The following COL18A1 variants were observed in gnomAD, a reference collection of about 807,000 sequenced individuals.
COL18A1 encodes collagen type XVIII alpha 1 chain.
In COL18A1, 133 loss-of-function variants were observed where a neutral mutation model predicts 168.0. That is an observed-to-expected ratio of 0.79 (90% CI 0.69 to 0.91). The LOEUF (loss-of-function observed/expected upper bound fraction) is 0.91. COL18A1 is among the 40% of genes least tolerant of loss of function. COL18A1 has a pLI of 0.00. For missense variants in COL18A1, 2,126 were observed against 1,925.4 expected, an observed-to-expected ratio of 1.10 and a Z score of -1.95; for synonymous variants, 949 against 809.0, an observed-to-expected ratio of 1.17 and a Z score of -2.94.
At position 45,498,586 on chromosome 21, in the gene COL18A1, G is replaced by C. The variant is rs1206403545; in HGVS notation, c.2683+925G>C. ...GGAAGGGACCAGGCAGGCAGAGGCC[G>C]AGTCTGGGCCGGGACATCCTTAAGG... is the stretch of plus-strand genomic sequence containing the variant. On this transcript the variant is annotated intron_variant, in intron 32 of 41. Transcript: ENST00000651438. The surrounding 1 kb of genome is among the most constrained non-coding windows in gnomAD (Gnocchi z 4.5). 1.4e-6 allele frequency: 1 copy of C among 716,212 alleles called. No homozygotes were observed. The highest frequency in any genetic ancestry group is 1.5e-5 in the South Asian group (1 of 67,566). 44.4% of individuals were successfully genotyped at this position (716,212 alleles called of 1,614,324 possible). A position where few individuals can be genotyped will look rare whatever the true frequency, so the allele number is the denominator to read the frequency against.
chr21:45,497,980 C>T (rs1331215568), intron 32 of COL18A1, among the ~76,000 whole-genome samples: 1 of 152,204 alleles, frequency 6.6e-6, no homozygotes. Context: ...TGAGATGCCC[C>T]CTCCCCTCCA....
At chr21:45,480,545 C>T in intron 12 of COL18A1, 25 bp downstream of exon 12, 1 of 1,614,050 alleles carries the variant, frequency 6.2e-7, no homozygotes. Flanking sequence ...AACTGCAGCG[C>T]TGCCCGATGT....
At chr21:45,428,902 T>G (rs1257363624) in intron 2 of COL18A1, among the ~76,000 whole-genome samples, 2 of 145,164 alleles carry the variant, frequency 1.4e-5, no homozygotes, top group African/African-American at 2.6e-5. Flanking sequence ...TTCTTTCTTT[T>G]CTTTTTTTTT....
chr21:45,412,494 G>A (rs1045282910), intron 2 of COL18A1, among the ~76,000 whole-genome samples: 6 of 152,048 alleles, frequency 3.9e-5, no homozygotes, highest in African/African-American at 9.7e-5. Flanking sequence ...CACCTGCCTC[G>A]GCCTCCCAAA....
intron 2 of COL18A1, among the ~76,000 whole-genome samples, chr21:45,419,458 T>C (rs1050257380): frequency 2.0e-5 from 3 of 152,184 alleles, no homozygotes; most frequent in African/African-American, 7.2e-5. Flanking sequence ...AAGGCTTGGG[T>C]CTGGCTTCCT....
chr21:45,460,639 A>G (rs2035009693), intron 2 of COL18A1, among the ~76,000 whole-genome samples: 1 of 152,256 alleles, frequency 6.6e-6, no homozygotes, highest in African/African-American at 2.4e-5. Flanking sequence ...GCAGAATTTG[A>G]GAAAATGTCC....
chr21:45,410,966 A>G (rs1219460081), intron 2 of COL18A1, among the ~76,000 whole-genome samples: 1 of 152,208 alleles, frequency 6.6e-6, no homozygotes, highest in Non-Finnish European at 1.5e-5. Context: ...CACACACCCT[A>G]TGGCCTCAGG....
At position 45,487,464 on chromosome 21, in the gene COL18A1, C is replaced by T. The variant is rs376114537; in HGVS notation, c.1851C>T (p.Ser617=). The T allele has an allele frequency of 2.0e-4, 325 of 1,612,930 alleles. No homozygotes were observed. Among genetic ancestry groups the T allele is most frequent in the Non-Finnish European group, 2.6e-4 (306 of 1,179,990 alleles). The change falls in exon 17 of 42, where the codon TCC becomes TCT. Residue 617 remains serine (S), a synonymous_variant. Coordinates refer to ENST00000651438, the MANE Select transcript of COL18A1 (RefSeq NM_001379500.1). ...LPAGFDDMEG[S]GGPFWSTARS... ...TCTTCCAGGATGACATGGAAGGCTC[C>T]GGGGGGCCCTTCTGGTCAACAGCCC...
intron 41 of COL18A1, 104 bp from the exon 42 acceptor site, chr21:45,512,084 A>T: frequency 1.6e-6 from 2 of 1,259,510 alleles, no homozygotes; most frequent in Non-Finnish European, 2.3e-6. Flanking sequence ...CCCCCTGGTA[A>T]CCCCAGGGCT....
rs554639168 is a variant in COL18A1 at position 45,451,003 on chromosome 21, C to T, written c.107-17239C>T. ...TCCAGGGCCCTCGTGGCTGCTCCGGCGGTGCCATCACCTCTGGAGACAGGG... is the reference window on the plus strand; with the variant it reads ...TCCAGGGCCCTCGTGGCTGCTCCGGTGGTGCCATCACCTCTGGAGACAGGG... On this transcript the variant is annotated intron_variant, in intron 2 of 41. Transcript: ENST00000651438. 1.1e-3 allele frequency among the ~76,000 whole-genome samples: 169 copies of T among 152,340 alleles called. 1 individual carries two copies. The highest frequency in any genetic ancestry group is 3.9e-3 in the African/African-American group (162 of 41,580).
chr21:45,493,119 G>A (rs895166390), intron 24 of COL18A1, 44 bp from the exon 25 acceptor site: 18 of 1,530,616 alleles, frequency 1.2e-5, no homozygotes, highest in Admixed American at 2.0e-5. Flanking sequence ...GGGGATGGGG[G>A]AGATGCCAGC....
chr21:45,504,777 G>GCCTGCCCT (rs2037090039), intron 34 of COL18A1, among the ~76,000 whole-genome samples: 1 of 152,106 alleles, frequency 6.6e-6, no homozygotes, highest in Non-Finnish European at 1.5e-5. Flanking sequence ...GCGTTCCATG[G>GCCTGCCCT]CCTGCCCTCC....
At chr21:45,511,789 GTC>G (rs1236401943) in intron 41 of COL18A1, among the ~76,000 whole-genome samples, 3 of 152,208 alleles carry the variant, frequency 2.0e-5, no homozygotes, top group South Asian at 2.1e-4. Flanking sequence ...CCTGCCAAGG[GTC>G]TCTGACAGGA....
intron 15 of COL18A1, among the ~76,000 whole-genome samples, chr21:45,484,415 C>A (rs2036028703): frequency 6.7e-6 from 1 of 148,876 alleles, no homozygotes; most frequent in African/African-American, 2.5e-5. Context: ...ACACACACCT[C>A]TCCAGCATAT....
chr21:45,481,081 G>C (rs891756222), intron 13 of COL18A1, among the ~76,000 whole-genome samples: 5 of 152,216 alleles, frequency 3.3e-5, no homozygotes, highest in Non-Finnish European at 5.9e-5. Context: ...CTGACCAGTG[G>C]GGGTGACCGC....
At chr21:45,482,708 G>T (rs2035942875) in intron 14 of COL18A1, 87 bp from the exon 15 acceptor site, 1 of 1,602,412 alleles carries the variant, frequency 6.2e-7, no homozygotes, top group Non-Finnish European at 8.5e-7. Context: ...CCGGGTCGGG[G>T]CACAGTTCCT....
rs2236457 is a variant in COL18A1, at chr21:45,474,088, C to T, written c.738+107C>T. ...AAGTCCCAAAATATACCACTTGGGG[C>T]ACTGGGAAGCTGCGATACCATTTCT... On this transcript the variant is annotated intron_variant, in intron 4 of 41. Transcript: ENST00000651438. 127,869 of 819,022 alleles carry T rather than the reference C, an allele frequency of 0.16. 12,685 individuals are homozygous for T. The highest frequency in any genetic ancestry group is 0.41 in the African/African-American group (24,501 of 59,238). The allele number at this position is 819,022 out of a possible 1,614,324, so 50.7% of individuals were successfully genotyped here. A position where few individuals can be genotyped will look rare whatever the true frequency, so the allele number is the denominator to read the frequency against.
chr21:45,480,978 A>C, intron 13 of COL18A1, 120 bp downstream of exon 13: 284 of 1,404,062 alleles, frequency 2.0e-4, no homozygotes, highest in Non-Finnish European at 2.5e-4. Flanking sequence ...TCCTCACCTC[A>C]TCTCCTCTAG....
chr21:45,420,680 G>C (rs1196977408), intron 2 of COL18A1: 2 of 152,426 alleles, frequency 1.3e-5, no homozygotes, highest in African/African-American at 4.8e-5. Flanking sequence ...GAGGGCGAGT[G>C]GGGGCCCCAG....
Sources: allele counts gnomAD v4.1 joint callset (sites outside exome capture counted in the v4.1 genomes callset), GRCh38; gene constraint gnomAD v4.1.1; non-coding constraint Gnocchi (gnomAD v3.1); transcripts MANE v1.5; gene names NCBI Gene and HGNC (gene_info 2026-07-23, HGNC 2026-07-21).